Variants in GALNT2 observed in about 807,000 individuals in gnomAD.
GALNT2 encodes the protein polypeptide N-acetylgalactosaminyltransferase 2, also known as UDP-GalNAc:polypeptide N-acetylgalactosaminyltransferase 2.
Under a neutral mutation model 81.4 loss-of-function variants are expected in GALNT2, and 31 were observed. The observed-to-expected ratio is 0.38, with a 90% CI of 0.29 to 0.51. GALNT2 has a LOEUF of 0.51. Among genes scored for constraint, GALNT2 ranks in the 20% least tolerant of loss-of-function variants. The pLI, the probability that GALNT2 is intolerant of heterozygous loss-of-function variation, is 0.87. For missense variants in GALNT2, 629 were observed against 765.7 expected, an observed-to-expected ratio of 0.82 and a Z score of 2.11; for synonymous variants, 303 against 287.4, an observed-to-expected ratio of 1.05 and a Z score of -0.55.
chr1:230,081,018 T>C (rs1659709217), intron 1 of GALNT2, among the ~76,000 whole-genome samples: 1 of 152,210 alleles, frequency 6.6e-6, no homozygotes, highest in Non-Finnish European at 1.5e-5. Flanking sequence ...CAGAGGCTCC[T>C]GTTCCCCAGC....
intron 3 of GALNT2, among the ~76,000 whole-genome samples, chr1:230,218,862 A>G (rs1664465702): frequency 6.6e-6 from 1 of 152,250 alleles, no homozygotes; most frequent in Non-Finnish European, 1.5e-5. Flanking sequence ...GCCACGCAGC[A>G]GGACGTGAGC....
At chr1:230,095,846 G>T (rs1165943821) in intron 1 of GALNT2, among the ~76,000 whole-genome samples, 2 of 152,230 alleles carry the variant, frequency 1.3e-5, no homozygotes, top group Non-Finnish European at 2.9e-5. Context: ...AACCGTGTGG[G>T]GTTGCCTGGA....
intron 1 of GALNT2, among the ~76,000 whole-genome samples, chr1:230,079,126 G>A (rs1659653190): frequency 6.6e-6 from 1 of 152,194 alleles, no homozygotes; most frequent in African/African-American, 2.4e-5. Context: ...AAGCTGAGTG[G>A]GAGACCGTTA....
At chr1:230,136,691 C>T (rs777664871) in intron 1 of GALNT2, among the ~76,000 whole-genome samples, 18 of 152,306 alleles carry the variant, frequency 1.2e-4, no homozygotes, top group Admixed American at 2.6e-4. Context: ...GGCAACGTTC[C>T]GCTTTGATGC....
chr1:230,156,894 A>G (rs1262511834), intron 1 of GALNT2, among the ~76,000 whole-genome samples: 2 of 152,198 alleles, frequency 1.3e-5, no homozygotes, highest in African/African-American at 4.8e-5. Flanking sequence ...AGAAACATCA[A>G]CTGTTTTGAA....
chr1:230,159,296 G>A (rs1662358981), intron 1 of GALNT2, among the ~76,000 whole-genome samples: 1 of 152,078 alleles, frequency 6.6e-6, no homozygotes, highest in Admixed American at 6.5e-5. Context: ...TCTCATCTTT[G>A]CACACGAAGG....
chr1:230,218,034 G>A (rs569696221), intron 3 of GALNT2, among the ~76,000 whole-genome samples: 1 of 152,256 alleles, frequency 6.6e-6, no homozygotes, highest in South Asian at 2.1e-4. Flanking sequence ...TTTTTAAAAG[G>A]TTGCTGTGAT....
chr1:230,229,129 C>A (rs6676364), intron 3 of GALNT2, among the ~76,000 whole-genome samples: 84,842 of 152,046 alleles, frequency 0.56, 26,384 homozygotes, highest in East Asian at 0.89. Flanking sequence ...AAAATTAAAA[C>A]GTAGGTTTGA....
chr1:230,267,711 CAG>C (rs1307044990), intron 14 of GALNT2, among the ~76,000 whole-genome samples: 2 of 152,208 alleles, frequency 1.3e-5, no homozygotes, highest in Non-Finnish European at 2.9e-5. Flanking sequence ...GAAGAACAAA[CAG>C]AGTGGAAGAC....
chr1:230,186,882 C>T (rs575857934), intron 2 of GALNT2, among the ~76,000 whole-genome samples: 18 of 152,282 alleles, frequency 1.2e-4, no homozygotes, highest in African/African-American at 3.4e-4. Flanking sequence ...AACCATTTTT[C>T]TTACTAAACC....
At chr1:230,220,871 G>A (rs1382426291) in intron 3 of GALNT2, among the ~76,000 whole-genome samples, 1 of 152,138 alleles carries the variant, frequency 6.6e-6, no homozygotes, top group Non-Finnish European at 1.5e-5. Flanking sequence ...ATTGGTCTGT[G>A]TTTCACCTAG....
intron 3 of GALNT2, among the ~76,000 whole-genome samples, chr1:230,227,970 C>T (rs549348135): frequency 9.2e-5 from 14 of 152,220 alleles, no homozygotes; most frequent in African/African-American, 2.9e-4. Context: ...TCTAAGAGAA[C>T]CTGCAAACTG....
chr1:230,190,412 C>A (rs545513934), intron 2 of GALNT2, among the ~76,000 whole-genome samples: 15 of 152,352 alleles, frequency 9.8e-5, no homozygotes, highest in African/African-American at 2.9e-4. Context: ...GAGTTGGCTC[C>A]TGGGACCAAA....
At chr1:230,186,644 A>G (rs1473666276) in intron 2 of GALNT2, among the ~76,000 whole-genome samples, 1 of 152,254 alleles carries the variant, frequency 6.6e-6, no homozygotes, top group East Asian at 1.9e-4. Flanking sequence ...TCTTCAGGTC[A>G]TAGGCTGGAT....
intron 2 of GALNT2, among the ~76,000 whole-genome samples, chr1:230,201,997 T>G (rs1002576933): frequency 6.6e-6 from 1 of 152,202 alleles, no homozygotes; most frequent in Non-Finnish European, 1.5e-5. Context: ...AGCAGGGTTG[T>G]TGGTGGTGTT....
intron 7 of GALNT2, among the ~76,000 whole-genome samples, chr1:230,244,396 C>A (rs987650772): frequency 2.6e-5 from 4 of 152,124 alleles, no homozygotes; most frequent in Non-Finnish European, 5.9e-5. Context: ...AAGCCAGTTT[C>A]ATTAAATCCC....
intron 3 of GALNT2, among the ~76,000 whole-genome samples, chr1:230,210,279 A>G (rs994600216): frequency 6.6e-6 from 1 of 152,252 alleles, no homozygotes; most frequent in South Asian, 2.1e-4. Context: ...GTAAAATGAA[A>G]TCAACCTTTA....
At chr1:230,083,749 T>C (rs1326337512) in intron 1 of GALNT2, among the ~76,000 whole-genome samples, 3 of 152,054 alleles carry the variant, frequency 2.0e-5, no homozygotes, top group Non-Finnish European at 2.9e-5. Flanking sequence ...GGAATGACAG[T>C]GGGGGTTACT....
rs187755108 is a variant in GALNT2, at chr1:230,275,054, C to T, written c.1560+490C>T. ...CCACATATATACACATATATACATG[C>T]CACATATATACGTATATATATACAC... On this transcript the variant is annotated intron_variant, in intron 15 of 15. Coordinates refer to ENST00000366672, the MANE Select transcript of GALNT2 (RefSeq NM_004481.5). The surrounding 1 kb of genome is among the most constrained non-coding windows in gnomAD (Gnocchi z 5.5). 1.3e-5 allele frequency among the ~76,000 whole-genome samples: 2 copies of T among 148,766 alleles called. No homozygotes were observed. The highest frequency in any genetic ancestry group is 4.9e-5 in the African/African-American group (2 of 40,534).
Sources: allele counts gnomAD v4.1 joint callset (sites outside exome capture counted in the v4.1 genomes callset), GRCh38; gene constraint gnomAD v4.1.1; non-coding constraint Gnocchi (gnomAD v3.1); transcripts MANE v1.5; gene names NCBI Gene and HGNC (gene_info 2026-07-23, HGNC 2026-07-21).